Variants in TMCO4 observed in about 807,000 individuals in gnomAD.
TMCO4 encodes the protein transmembrane and coiled-coil domain-containing protein 4.
Under a neutral mutation model 64.7 loss-of-function variants are expected in TMCO4, and 58 were observed. The observed-to-expected ratio is 0.90, with a 90% CI of 0.73 to 1.12. The LOEUF (loss-of-function observed/expected upper bound fraction) is 1.12, where lower values mean the gene tolerates loss of function less well. Among genes scored for constraint, TMCO4 ranks in the 50% most tolerant of loss-of-function variants. The pLI is 0.00. For missense variants in TMCO4, 780 were observed against 825.9 expected (o/e 0.94, Z 0.68); for synonymous variants, 325 against 346.1 (o/e 0.94, Z 0.68).
At chr1:19,707,188 C>T (rs914192736) in intron 13 of TMCO4, among the ~76,000 whole-genome samples, 12 of 152,226 alleles carry the variant, frequency 7.9e-5, no homozygotes, top group Non-Finnish European at 1.5e-4. Flanking sequence ...TTGTCCCCTC[C>T]AGATTTCATG....
intron 10 of TMCO4, 97 bp downstream of exon 10, chr1:19,745,435 T>C: frequency 6.3e-7 from 1 of 1,578,094 alleles, no homozygotes; most frequent in Non-Finnish European, 8.6e-7. Context: ...TGGGGCTCCC[T>C]ATACCTGCTC....
intron 6 of TMCO4, among the ~76,000 whole-genome samples, chr1:19,758,947 CA>C (rs2042383493): frequency 6.6e-6 from 1 of 151,822 alleles, no homozygotes; most frequent in Non-Finnish European, 1.5e-5. Context: ...CTACAAAATA[CA>C]AAAATTAGCC....
At position 19,737,394 on chromosome 1, in the gene TMCO4, C is replaced by G; in HGVS notation, c.1242G>C (p.Leu414=). 5 of 1,613,724 alleles carry G rather than the reference C, an allele frequency of 3.1e-6. No homozygotes were observed. Among genetic ancestry groups the G allele is most frequent in the Non-Finnish European group, 3.4e-6 (4 of 1,179,806 alleles). Residue 414 remains leucine (L), a synonymous_variant, in exon 13 of 16, where the codon CTG becomes CTC. Transcript: ENST00000294543. ...CACCTTTCTCTTGAGCCATCTCCTG[C>G]AGACAGAAGTAGATGACTCTGGCTC... ...SLGARVIYFC[L]QEMAQEKDCQ...
chr1:19,686,499 C>A (rs2095150456), intron 15 of TMCO4, among the ~76,000 whole-genome samples: 1 of 152,208 alleles, frequency 6.6e-6, no homozygotes, highest in Admixed American at 6.5e-5. Context: ...AAAGACAATT[C>A]CCTGTACAGT....
chr1:19,769,753 C>T (rs1258809504), intron 6 of TMCO4, among the ~76,000 whole-genome samples: 1 of 151,924 alleles, frequency 6.6e-6, no homozygotes, highest in East Asian at 1.9e-4. Flanking sequence ...GGGAGGAGCT[C>T]AGGAGGCAGC....
In TMCO4 at chr1:19,770,459, G is replaced by A. The variant is rs889128896; in HGVS notation, c.382+83C>T. ...AAAGACCACGGGGGACCCGGCCCCA[G>A]GTGGTGGCACCTCTCACTGGCTTTG... is the stretch of plus-strand genomic sequence containing the variant. On this transcript the variant is annotated intron_variant, in intron 6 of 15. Coordinates refer to ENST00000294543, the MANE Select transcript of TMCO4 (RefSeq NM_181719.7). 2.6e-6 allele frequency: 4 copies of A among 1,517,016 alleles called. No homozygotes were observed. The African/African-American group carries it at 4.1e-5, about 16-fold the overall frequency. 94.0% of individuals were successfully genotyped at this position (1,517,016 alleles called of 1,614,324 possible).
At chr1:19,747,626 C>T (rs2041850339) in intron 7 of TMCO4, among the ~76,000 whole-genome samples, 1 of 152,144 alleles carries the variant, frequency 6.6e-6, no homozygotes, top group South Asian at 2.1e-4. Flanking sequence ...CCTCCCTCCT[C>T]CCCTCCCTTC....
intron 7 of TMCO4, among the ~76,000 whole-genome samples, chr1:19,754,188 C>A (rs868735358): frequency 6.6e-6 from 1 of 152,156 alleles, no homozygotes; most frequent in African/African-American, 2.4e-5. Flanking sequence ...CTGGGGTTAC[C>A]GGTATTATCA....
chr1:19,797,289 A>G (rs1055633833), intron 2 of TMCO4, among the ~76,000 whole-genome samples: 5 of 152,178 alleles, frequency 3.3e-5, no homozygotes, highest in Admixed American at 2.6e-4. Flanking sequence ...CCCTGAACTT[A>G]ACCTCTGACA....
In TMCO4 at chr1:19,732,115, C is replaced by T. The variant is rs2095432584; in HGVS notation, c.1264+5257G>A. Among the ~76,000 whole-genome samples, 1 of 152,134 alleles carries T rather than the reference C, an allele frequency of 6.6e-6. No individual in the cohort carries two copies. The highest frequency in any genetic ancestry group is 2.1e-4 in the South Asian group (1 of 4,808). ...TCTGTCCCACAGAGAGAGCTGGCTA[C>T]ATGTCTGTGAATGTGCGCACACCTG... On this transcript the variant is annotated intron_variant, in intron 13 of 15. Coordinates refer to ENST00000294543, the MANE Select transcript of TMCO4 (RefSeq NM_181719.7). This position sits in a 1 kb window ranked among gnomAD's most constrained non-coding sequence, Gnocchi z 4.8.
intron 7 of TMCO4, chr1:19,750,034 A>T (rs1450486367): frequency 1.3e-5 from 2 of 152,230 alleles, no homozygotes; most frequent in African/African-American, 4.8e-5. Context: ...GGGTATTGTG[A>T]GGACTAAATG....
In TMCO4 at chr1:19,746,572, AG is replaced by A; in HGVS notation, c.640del (p.Val215LeufsTer23). ...IGVTGGLAAP[L>X]VAAGAATIIG... Reference sequence around the variant, plus strand: ...AATCGTCGCTGCTCCAGCGGCAACAAGGGGTGCAGCTAGACCTCCAGTCACA... The same window carrying A: ...AATCGTCGCTGCTCCAGCGGCAACAAGGGTGCAGCTAGACCTCCAGTCACA... On this transcript the variant is annotated frameshift_variant, in exon 9 of 16. Transcript: ENST00000294543. LOFTEE classifies it high-confidence loss of function. 6.2e-7 allele frequency: 1 copy of A among 1,611,068 alleles called. No individual in the cohort carries two copies. The highest frequency in any genetic ancestry group is 1.7e-5 in the Admixed American group (1 of 59,624).
intron 13 of TMCO4, among the ~76,000 whole-genome samples, chr1:19,707,888 A>G (rs181838838): frequency 2.6e-5 from 4 of 152,276 alleles, no homozygotes; most frequent in Admixed American, 2.0e-4. Flanking sequence ...GTGGAGCAGG[A>G]GAGAGAGTGA....
chr1:19,798,638 G>A (rs147177007), intron 1 of TMCO4, among the ~76,000 whole-genome samples: 4 of 152,276 alleles, frequency 2.6e-5, no homozygotes, highest in South Asian at 4.1e-4. Flanking sequence ...TGCTGCACAC[G>A]AGGGCTTGAG....
At chr1:19,733,726 C>T (rs1277767740) in intron 13 of TMCO4, among the ~76,000 whole-genome samples, 1 of 152,096 alleles carries the variant, frequency 6.6e-6, no homozygotes, top group African/African-American at 2.4e-5. Flanking sequence ...GATGAGCAAG[C>T]AGGGAGGTAT....
chr1:19,690,153 A>C (rs1410133969), intron 15 of TMCO4, among the ~76,000 whole-genome samples: 3 of 152,150 alleles, frequency 2.0e-5, no homozygotes, highest in Non-Finnish European at 2.9e-5. Context: ...TCACTCAATA[A>C]AACTCCTCGC....
At position 19,720,685 on chromosome 1, in the gene TMCO4, C is replaced by A. The variant is rs146722164; in HGVS notation, c.1264+16687G>T. On this transcript the variant is annotated intron_variant, in intron 13 of 15. Transcript: ENST00000294543. ...CTAAGAAAACGAGTTAACAAAAGAT[C>A]GAAAAAATAAAGAACAATGAAGGCC... is the stretch of plus-strand genomic sequence containing the variant. 5.3e-3 allele frequency among the ~76,000 whole-genome samples: 806 copies of A among 151,872 alleles called. 4 individuals are homozygous for A. The highest frequency in any genetic ancestry group is 0.018 in the African/African-American group (758 of 41,392).
chr1:19,789,070 G>T (rs948165475), intron 2 of TMCO4, among the ~76,000 whole-genome samples: 5 of 146,234 alleles, frequency 3.4e-5, no homozygotes, highest in Non-Finnish European at 4.5e-5. Context: ...GTGAGACTCT[G>T]TCTCACAAAA....
rs2095420865 is a variant in TMCO4, at chr1:19,729,309, G to C, written c.1264+8063C>G. On this transcript the variant is annotated intron_variant, in intron 13 of 15. Transcript: ENST00000294543. The stretch of plus-strand genomic sequence containing the variant: ...GGAATACAGGCGTGCCACCACGCCT[G>C]GCTAATTTTTGTATTTTTAGTAGAG... Among the ~76,000 whole-genome samples the C allele has an allele frequency of 2.0e-5, 3 of 151,814 alleles. No homozygotes were observed. In the South Asian group the frequency reaches 6.2e-4, roughly 32 times the overall value.
Sources: allele counts gnomAD v4.1 joint callset (sites outside exome capture counted in the v4.1 genomes callset), GRCh38; gene constraint gnomAD v4.1.1; non-coding constraint Gnocchi (gnomAD v3.1); transcripts MANE v1.5; gene names NCBI Gene and HGNC (gene_info 2026-07-23, HGNC 2026-07-21).